The following PARP15 variants were observed in gnomAD, a reference collection of about 807,000 sequenced individuals.
The protein encoded by PARP15 is protein mono-ADP-ribosyltransferase PARP15.
Under a neutral mutation model 62.1 loss-of-function variants are expected in PARP15, and 50 were observed. The ratio of observed to expected loss-of-function variants is 0.81; its 90% CI spans 0.64 to 1.02. The LOEUF is 1.02. Among genes scored for constraint, PARP15 ranks in the 50% least tolerant of loss-of-function variants. PARP15 has a pLI of 0.00. For synonymous variants in PARP15, 309 were observed against 293.1 expected (o/e 1.05, Z -0.55); for missense variants, 820 against 826.5 (o/e 0.99, Z 0.10).
In PARP15 at chr3:122,596,000, C is replaced by T. The variant is rs571793886; in HGVS notation, c.187-9936C>T. On this transcript the variant is annotated intron_variant, in intron 1 of 11. Coordinates refer to ENST00000464300, the MANE Select transcript of PARP15 (RefSeq NM_001113523.3). ...AGTTTTTATCTGCAGTCAAGACTCTCTCCTAAACTCCAGTATCTATGCTCA... is the reference window on the plus strand; with the variant it reads ...AGTTTTTATCTGCAGTCAAGACTCTTTCCTAAACTCCAGTATCTATGCTCA... Among the ~76,000 whole-genome samples, 5 of 152,210 alleles carry T rather than the reference C, an allele frequency of 3.3e-5. No homozygotes were observed. In the East Asian group the frequency reaches 5.8e-4, roughly 18 times the overall value.
chr3:122,633,381 C>A (rs1937169337), intron 10 of PARP15, among the ~76,000 whole-genome samples: 2 of 152,250 alleles, frequency 1.3e-5, no homozygotes, highest in Middle Eastern at 3.4e-3. Context: ...GAGGAGATAC[C>A]TCGTGGTGTT....
chr3:122,625,039 A>G (rs1936610854), intron 8 of PARP15, among the ~76,000 whole-genome samples: 1 of 151,398 alleles, frequency 6.6e-6, no homozygotes, highest in South Asian at 2.1e-4. Flanking sequence ...TTTTTTTACC[A>G]TTATTATATT....
rs542705522 is a variant in PARP15 at position 122,591,533 on chromosome 3, C to T, written c.186+13680C>T. On this transcript the variant is annotated intron_variant, in intron 1 of 11. Coordinates refer to ENST00000464300, the MANE Select transcript of PARP15 (RefSeq NM_001113523.3). ...ATCCCAGCACTTTGGGAGGCCGAGG[C>T]GGGCAGATCACGAGGTGAGGAAATC... is the stretch of plus-strand genomic sequence containing the variant. Among the ~76,000 whole-genome samples the T allele has an allele frequency of 2.1e-4, 32 of 152,206 alleles. No homozygotes were observed. In the South Asian group the frequency reaches 4.6e-3, roughly 22 times the overall value.
intron 1 of PARP15, among the ~76,000 whole-genome samples, chr3:122,583,438 T>A (rs1576471498): frequency 6.6e-6 from 1 of 152,182 alleles, no homozygotes; most frequent in South Asian, 2.1e-4. Flanking sequence ...GTATCATTTT[T>A]AAATTAGTTT....
At chr3:122,624,735 C>A (rs1936584133) in intron 8 of PARP15, among the ~76,000 whole-genome samples, 1 of 152,192 alleles carries the variant, frequency 6.6e-6, no homozygotes, top group Admixed American at 6.5e-5. Flanking sequence ...TTATGCGATA[C>A]AGCTAAGGAA....
chr3:122,621,354 G>A (rs555094510), intron 7 of PARP15, 90 bp from the exon 8 acceptor site: 62 of 1,376,292 alleles, frequency 4.5e-5, no homozygotes, highest in African/African-American at 7.3e-5. Context: ...CAGCCTTCAC[G>A]GATGTCAGCT....
intron 8 of PARP15, among the ~76,000 whole-genome samples, chr3:122,621,900 G>T (rs367561709): frequency 2.6e-5 from 4 of 152,124 alleles, no homozygotes; most frequent in African/African-American, 4.8e-5. Flanking sequence ...CCAGGCTCAC[G>T]CAATCCTCCC....
At chr3:122,611,352 G>T (rs541701129) in intron 3 of PARP15, among the ~76,000 whole-genome samples, 5 of 151,938 alleles carry the variant, frequency 3.3e-5, no homozygotes, top group Non-Finnish European at 7.4e-5. Flanking sequence ...TTCTTTTTGA[G>T]ACCGAGTTTC....
At chr3:122,632,276 ATC>A (rs1182644258) in intron 10 of PARP15, 57 bp downstream of exon 10, 16 of 1,517,772 alleles carry the variant, frequency 1.1e-5, no homozygotes, top group Non-Finnish European at 1.4e-5. Flanking sequence ...CATAAAAGCT[ATC>A]TCTTTTTAAA....
At chr3:122,601,802 A>G (rs570908100) in intron 1 of PARP15, among the ~76,000 whole-genome samples, 2 of 152,322 alleles carry the variant, frequency 1.3e-5, no homozygotes, top group African/African-American at 4.8e-5. Context: ...AAGTCATGCA[A>G]CTGCTGAATC....
At chr3:122,620,491 A>G (rs3926227) in intron 7 of PARP15, among the ~76,000 whole-genome samples, 46,014 of 152,090 alleles carry the variant, frequency 0.3, 10,338 homozygotes, top group African/African-American at 0.64. Context: ...ATGTATTCCC[A>G]CAACCGACCT....
chr3:122,614,346 G>T (rs1182174427), intron 4 of PARP15, among the ~76,000 whole-genome samples: 1 of 152,100 alleles, frequency 6.6e-6, no homozygotes, highest in Non-Finnish European at 1.5e-5. Flanking sequence ...CTGGATCAAA[G>T]ATAATTTTGT....
chr3:122,598,764 C>G (rs1934554164), intron 1 of PARP15, among the ~76,000 whole-genome samples: 1 of 152,158 alleles, frequency 6.6e-6, no homozygotes, highest in African/African-American at 2.4e-5. Flanking sequence ...TTTCACTATC[C>G]AAGAAGGTAC....
Position 122,635,810 on chromosome 3 carries a change from G to A in PARP15, c.1748-1G>A. 1.2e-6 allele frequency: 2 copies of A among 1,611,488 alleles called. No homozygotes were observed. Among genetic ancestry groups the A allele is most frequent in the Non-Finnish European group, 8.5e-7 (1 of 1,178,562 alleles). ...GAAGGTTTTTGTCTTTCTCTTTCCA[G>A]CTGTATCCTATGGAAAAGGAACCTA... On this transcript the variant is annotated splice_acceptor_variant, in intron 11 of 11. Coordinates refer to ENST00000464300, the MANE Select transcript of PARP15 (RefSeq NM_001113523.3). LOFTEE classifies it high-confidence loss of function.
At chr3:122,620,420 G>A (rs139697796) in intron 7 of PARP15, among the ~76,000 whole-genome samples, 7 of 152,290 alleles carry the variant, frequency 4.6e-5, no homozygotes, top group African/African-American at 1.7e-4. Flanking sequence ...CCCTTGCAGA[G>A]TAGGGTAGAC....
chr3:122,612,951 G>T (rs934028695), intron 3 of PARP15, 90 bp from the exon 4 acceptor site: 4 of 1,122,360 alleles, frequency 3.6e-6, no homozygotes, highest in Non-Finnish European at 5.2e-6. Flanking sequence ...ATAGCAGAGA[G>T]GTCCTTGTCA....
At chr3:122,579,999 G>GTATATATGTGTA in intron 1 of PARP15, among the ~76,000 whole-genome samples, 1 of 64,460 alleles carries the variant, frequency 1.6e-5, no homozygotes, top group South Asian at 6.2e-4. Flanking sequence ...GCAACTATAT[G>GTATATATGTGTA]TATATATATA....
Position 122,606,430 on chromosome 3 carries a change from G to C in PARP15, c.306+375G>C, listed in dbSNP as rs543611624. Among the ~76,000 whole-genome samples, 4 of 152,100 alleles carry C rather than the reference G, an allele frequency of 2.6e-5. No homozygotes were observed. In the South Asian group the frequency reaches 8.3e-4, roughly 32 times the overall value. ...CTATAGAATCACCCTTCACAAACAC[G>C]CCTTTGCTCCTGCCTGAGCACTTTG... On this transcript the variant is annotated intron_variant, in intron 2 of 11. Transcript: ENST00000464300.
chr3:122,607,071 G>A (rs1216303833), intron 2 of PARP15, among the ~76,000 whole-genome samples: 1 of 152,206 alleles, frequency 6.6e-6, no homozygotes, highest in East Asian at 1.9e-4. Flanking sequence ...AGGTTGAGAA[G>A]TTGCATCTTG....
Sources: allele counts gnomAD v4.1 joint callset (sites outside exome capture counted in the v4.1 genomes callset), GRCh38; gene constraint gnomAD v4.1.1; transcripts MANE v1.5; gene names NCBI Gene and HGNC (gene_info 2026-07-23, HGNC 2026-07-21).